CBR4: variants seen among roughly 807,000 people sequenced by gnomAD.
CBR4 encodes the protein 3-oxoacyl-[acyl-carrier-protein] reductase.
Under a neutral mutation model 21.0 loss-of-function variants are expected in CBR4, and 22 were observed. That is an observed-to-expected ratio of 1.05 (90% CI 0.75 to 1.50). CBR4 has a LOEUF of 1.50. Ranked by LOEUF, CBR4 falls within the 40% of genes most tolerant of loss-of-function variation. The pLI, the probability that CBR4 is intolerant of heterozygous loss-of-function variation, is 0.00. For missense variants in CBR4, 302 were observed against 286.3 expected (o/e 1.05, Z -0.40); for synonymous variants, 100 against 104.4 (o/e 0.96, Z 0.26).
At chr4:168,963,018 T>C (rs778806695) in intron 2 of CBR4, among the ~76,000 whole-genome samples, 1 of 152,198 alleles carries the variant, frequency 6.6e-6, no homozygotes, top group Non-Finnish European at 1.5e-5. Flanking sequence ...ATTTTGAGCA[T>C]TAGGAACCTA....
chr4:168,958,561 A>G (rs1000295682), intron 2 of CBR4, among the ~76,000 whole-genome samples: 1 of 152,232 alleles, frequency 6.6e-6, no homozygotes, highest in Non-Finnish European at 1.5e-5. Context: ...ACGTATTTTT[A>G]TTTATATTGG....
intron 2 of CBR4, among the ~76,000 whole-genome samples, chr4:168,941,677 C>T (rs1037852389): frequency 3.3e-5 from 5 of 152,156 alleles, no homozygotes; most frequent in African/African-American, 1.2e-4. Flanking sequence ...ATTTACACTC[C>T]CACCAACAGC....
intron 2 of CBR4, among the ~76,000 whole-genome samples, chr4:168,951,740 G>GC (rs1417110312): frequency 1.3e-5 from 2 of 152,166 alleles, no homozygotes; most frequent in Non-Finnish European, 2.9e-5. Context: ...TGAAGACAGG[G>GC]CCCCAATCCC....
chr4:168,999,739 A>G (rs1271627984), intron 4 of CBR4, among the ~76,000 whole-genome samples: 1 of 152,082 alleles, frequency 6.6e-6, no homozygotes, highest in Non-Finnish European at 1.5e-5. Flanking sequence ...TAGTATGCAA[A>G]CTGGATTCCC....
chr4:168,926,456 T>A, intron 2 of CBR4: 1 of 1,101,532 alleles, frequency 9.1e-7, no homozygotes, highest in Non-Finnish European at 1.3e-6. Flanking sequence ...TTTGTCACAT[T>A]ATGTAAAAGG....
At chr4:168,935,812 G>T (rs1360823889) in intron 2 of CBR4, among the ~76,000 whole-genome samples, 1 of 152,218 alleles carries the variant, frequency 6.6e-6, no homozygotes, top group Non-Finnish European at 1.5e-5. Context: ...AGCACCTGGG[G>T]GAAGGGGTGG....
chr4:168,976,771 G>A (rs1201686482), intron 2 of CBR4, among the ~76,000 whole-genome samples: 1 of 152,196 alleles, frequency 6.6e-6, no homozygotes, highest in Non-Finnish European at 1.5e-5. Context: ...TTGTCACAAA[G>A]TCAATTTATC....
intron 2 of CBR4, among the ~76,000 whole-genome samples, chr4:168,957,947 A>G (rs932488296): frequency 6.6e-6 from 1 of 152,118 alleles, no homozygotes; most frequent in African/African-American, 2.4e-5. Context: ...CCATGTGAAG[A>G]AGGACATGCT....
rs1025572023 is a variant in CBR4, at chr4:168,946,327, G to A, written n.170-51562C>T. Among the ~76,000 whole-genome samples the A allele has an allele frequency of 3.3e-5, 5 of 152,174 alleles. No homozygotes were observed. In the East Asian group the frequency reaches 9.6e-4, roughly 29 times the overall value. On this transcript the variant is annotated intron_variant and non_coding_transcript_variant, in intron 2 of 3. Transcript: ENST00000509108. ...TCAAGAGAAAAACAGCTATAACAAT[G>A]GTTCTCAAAGTATGGTCCAGGAACT...
rs1711746184 is a variant in CBR4 at position 168,989,209 on chromosome 4, TA to T, written c.*940del. On this transcript the variant is annotated 3_prime_UTR_variant, in exon 5 of 5. Coordinates refer to ENST00000306193, the MANE Select transcript of CBR4 (RefSeq NM_032783.5). Reference sequence around the variant, plus strand: ...CATAATCACTAATGCAAAATACTCTTAATTTTTTAAATGTTGTATTTCTCGT... The same window carrying T: ...CATAATCACTAATGCAAAATACTCTTATTTTTTAAATGTTGTATTTCTCGT... 3 of 972,622 alleles carry T rather than the reference TA, an allele frequency of 3.1e-6. No homozygotes were observed. Among genetic ancestry groups the T allele is most frequent in the South Asian group, 9.5e-5 (2 of 21,030 alleles). 60.2% of individuals were successfully genotyped at this position (972,622 alleles called of 1,614,324 possible).
chr4:168,904,142 A>C (rs1757129409), intron 2 of CBR4: 1 of 515,086 alleles, frequency 1.9e-6, no homozygotes, highest in Non-Finnish European at 3.5e-6. Context: ...TTAAGGGTCT[A>C]ATATGTACAC....
chr4:168,905,329 T>C lies in CBR4; in HGVS notation n.170-10564A>G, dbSNP rs193118120. On this transcript the variant is annotated intron_variant and non_coding_transcript_variant, in intron 2 of 3. Transcript: ENST00000509108. ...TGCCCGGCTAATTTTTTTTTATTTT[T>C]AGTAGAGATGGGGTTTCACCATGTT... is the stretch of plus-strand genomic sequence containing the variant. 4.5e-3 allele frequency among the ~76,000 whole-genome samples: 686 copies of C among 151,276 alleles called. 8 individuals carry two copies. The highest frequency in any genetic ancestry group is 5.5e-3 in the Admixed American group (83 of 15,204).
intron 2 of CBR4, among the ~76,000 whole-genome samples, chr4:168,921,297 C>T (rs957245980): frequency 1.3e-5 from 2 of 150,702 alleles, no homozygotes; most frequent in Admixed American, 6.6e-5. Context: ...ATCCCAGCTA[C>T]TCAGGAGGCT....
At chr4:168,945,523 T>TCA (rs1763375542) in intron 2 of CBR4, among the ~76,000 whole-genome samples, 1 of 152,200 alleles carries the variant, frequency 6.6e-6, no homozygotes, top group Admixed American at 6.5e-5. Context: ...TCTGCTGAAT[T>TCA]GGTGGTTACT....
At chr4:168,926,594 C>T in intron 2 of CBR4, 1 of 475,130 alleles carries the variant, frequency 2.1e-6, no homozygotes, top group Non-Finnish European at 3.7e-6. Context: ...ACAGAAAATA[C>T]ACATTTACTG....
chr4:168,983,589 G>A (rs1444495577), downstream of CBR4, among the ~76,000 whole-genome samples: 1 of 151,708 alleles, frequency 6.6e-6, no homozygotes. Flanking sequence ...CCAAAACCTG[G>A]CACAGACATA....
chr4:168,975,695 A>G (rs1048782061), intron 2 of CBR4, among the ~76,000 whole-genome samples: 5 of 152,152 alleles, frequency 3.3e-5, no homozygotes, highest in African/African-American at 1.2e-4. Context: ...ATGGGGAGAG[A>G]AAAACCATCA....
At chr4:169,009,009 G>C in intron 1 of CBR4, 2 of 449,820 alleles carry the variant, frequency 4.4e-6, no homozygotes, top group South Asian at 3.1e-5. Flanking sequence ...TCTAGAGCCA[G>C]TAAATCAGGA....
Position 169,009,901 on chromosome 4 carries a change from G to T in CBR4, c.142+47C>A, listed in dbSNP as rs1386515020. The T allele has an allele frequency of 3.2e-6, 5 of 1,558,706 alleles. No homozygotes were observed. In the South Asian group the frequency reaches 3.5e-5, roughly 11 times the overall value. On this transcript the variant is annotated intron_variant, in intron 1 of 4. Coordinates refer to ENST00000306193, the MANE Select transcript of CBR4 (RefSeq NM_032783.5). ...TTTACAAAGGAGATTTTCTTTAGGC[G>T]CCTGGACCGCGGCCATACAACTGGA...
Sources: allele counts gnomAD v4.1 joint callset (sites outside exome capture counted in the v4.1 genomes callset), GRCh38; gene constraint gnomAD v4.1.1; transcripts MANE v1.5; gene names NCBI Gene and HGNC (gene_info 2026-07-23, HGNC 2026-07-21).